The following RALGAPA1 variants were observed in gnomAD, a reference collection of about 807,000 sequenced individuals.
RALGAPA1 encodes ral GTPase-activating protein subunit alpha-1.
RALGAPA1 carries 52 observed loss-of-function variants against 269.6 expected under a neutral mutation model. The ratio of observed to expected loss-of-function variants is 0.19; its 90% CI spans 0.15 to 0.24. The LOEUF (loss-of-function observed/expected upper bound fraction) is 0.24, where lower values mean the gene tolerates loss of function less well. Ranked by LOEUF, RALGAPA1 falls within the 10% of genes least tolerant of loss-of-function variation. RALGAPA1 has a pLI of 1.00. For synonymous variants in RALGAPA1, 817 were observed against 1,008.3 expected, an observed-to-expected ratio of 0.81 and a Z score of 3.60; for missense variants, 1,917 against 3,013.9, an observed-to-expected ratio of 0.64 and a Z score of 8.52.
At chr14:35,745,624 C>T (rs539180837) in intron 10 of RALGAPA1, among the ~76,000 whole-genome samples, 1 of 151,936 alleles carries the variant, frequency 6.6e-6, no homozygotes, top group South Asian at 2.1e-4. Flanking sequence ...ATTAGCTGGG[C>T]ATGGTGGCGC....
intron 22 of RALGAPA1, chr14:35,677,392 A>G (rs897302943): frequency 1.3e-5 from 2 of 154,668 alleles, no homozygotes; most frequent in Non-Finnish European, 2.9e-5. Context: ...ATTATACAAA[A>G]TCTAGCAAAA....
intron 10 of RALGAPA1, among the ~76,000 whole-genome samples, chr14:35,746,867 A>T: frequency 6.6e-6 from 1 of 152,004 alleles, no homozygotes; most frequent in East Asian, 1.9e-4. Flanking sequence ...TGAAGTATAC[A>T]TGTTAAAACT....
At chr14:35,742,191 C>T (rs922667296) in intron 11 of RALGAPA1, among the ~76,000 whole-genome samples, 177 bp downstream of exon 11, 1 of 152,164 alleles carries the variant, frequency 6.6e-6, no homozygotes, top group Non-Finnish European at 1.5e-5. Flanking sequence ...TATCACAGGG[C>T]TTTGCTATAC....
At chr14:35,685,321 A>G (rs905421021) in intron 19 of RALGAPA1, among the ~76,000 whole-genome samples, 176 bp from the exon 20 acceptor site, 1 of 152,138 alleles carries the variant, frequency 6.6e-6, no homozygotes, top group East Asian at 1.9e-4. Context: ...AGCCTGACCT[A>G]TTGTTGGTCT....
chr14:35,786,672 C>CACAAGTAT (rs928905246), intron 1 of RALGAPA1, among the ~76,000 whole-genome samples: 2 of 152,034 alleles, frequency 1.3e-5, no homozygotes, highest in African/African-American at 2.4e-5. Context: ...AAGTATCTCT[C>CACAAGTAT]CACAGTATCT....
chr14:35,628,763 T>A (rs186032718), intron 33 of RALGAPA1, among the ~76,000 whole-genome samples: 34 of 152,338 alleles, frequency 2.2e-4, no homozygotes, highest in Admixed American at 2.2e-3. Flanking sequence ...CTTATATTTT[T>A]CTAAGGTATT....
In RALGAPA1 at chr14:35,756,892, T is replaced by C; in HGVS notation, c.564A>G (p.Glu188=). The C allele has an allele frequency of 1.9e-6, 3 of 1,609,944 alleles. No individual in the cohort carries two copies. Residue 188 remains glutamate (E), a synonymous_variant, in exon 7 of 42, where the codon GAA becomes GAG. Coordinates refer to ENST00000680220, the MANE Select transcript of RALGAPA1 (RefSeq NM_001346249.2). The part of the protein sequence containing the change: ...LNLQETQVTI[E]EITPLVPPQS... ...GTGGGGGGACAAGAGGAGTGATTTCTTCTATAGTGACTTGAGCTATCCAAA... is the reference window on the plus strand; with the variant it reads ...GTGGGGGGACAAGAGGAGTGATTTCCTCTATAGTGACTTGAGCTATCCAAA...
intron 13 of RALGAPA1, among the ~76,000 whole-genome samples, chr14:35,725,738 T>C (rs1012366993): frequency 3.3e-5 from 5 of 151,346 alleles, no homozygotes; most frequent in African/African-American, 1.2e-4. Context: ...TGGTGGCACA[T>C]GCCTATAGTC....
intron 35 of RALGAPA1, among the ~76,000 whole-genome samples, chr14:35,614,034 C>A (rs1334820811): frequency 6.6e-6 from 1 of 152,148 alleles, no homozygotes; most frequent in African/African-American, 2.4e-5. Flanking sequence ...CAAGATTCCA[C>A]TTTATATCCA....
chr14:35,656,226 C>A (rs574977880), intron 28 of RALGAPA1, among the ~76,000 whole-genome samples: 1 of 152,132 alleles, frequency 6.6e-6, no homozygotes, highest in East Asian at 1.9e-4. Context: ...CAAAATGTAA[C>A]CTGCTTTCAA....
chr14:35,706,358 A>C (rs950862571), intron 16 of RALGAPA1, among the ~76,000 whole-genome samples: 23 of 152,138 alleles, frequency 1.5e-4, no homozygotes, highest in African/African-American at 5.1e-4. Context: ...GTGGATGTCC[A>C]ATTGTTACAG....
At chr14:35,703,290 AG>A in intron 16 of RALGAPA1, among the ~76,000 whole-genome samples, 1 of 152,258 alleles carries the variant, frequency 6.6e-6, no homozygotes, top group South Asian at 2.1e-4. Flanking sequence ...TGGGCAACTG[AG>A]GGAGACCCCA....
At chr14:35,625,135 T>C (rs1410399640) in intron 35 of RALGAPA1, among the ~76,000 whole-genome samples, 1 of 111,218 alleles carries the variant, frequency 9.0e-6, no homozygotes, top group Non-Finnish European at 1.7e-5. Flanking sequence ...TGGGTGACAG[T>C]GGGAGACTCT....
intron 16 of RALGAPA1, among the ~76,000 whole-genome samples, chr14:35,719,381 C>T (rs970430151): frequency 3.3e-5 from 5 of 152,134 alleles, no homozygotes; most frequent in Admixed American, 6.5e-5. Flanking sequence ...ATTTAATCTG[C>T]TGCCCCTTTT....
Position 35,635,447 on chromosome 14 carries a change from A to C in RALGAPA1, c.5811+17T>G. The C allele has an allele frequency of 1.3e-6, 2 of 1,566,638 alleles. No homozygotes were observed. Among genetic ancestry groups the C allele is most frequent in the South Asian group, 2.4e-5 (2 of 83,188 alleles). On this transcript the variant is annotated intron_variant, in intron 32 of 41. Coordinates refer to ENST00000680220, the MANE Select transcript of RALGAPA1 (RefSeq NM_001346249.2). ...AACTCTTGGTTACCAAATAAATAAT[A>C]AAGCAAGGAAGTTTACCTTATAAAT...
intron 18 of RALGAPA1, among the ~76,000 whole-genome samples, chr14:35,687,045 A>G (rs1253406657): frequency 6.6e-6 from 1 of 152,200 alleles, no homozygotes; most frequent in Non-Finnish European, 1.5e-5. Flanking sequence ...TTTGCAGGGA[A>G]TACATCCTTT....
At chr14:35,773,070 C>T (rs1260462948) in intron 3 of RALGAPA1, among the ~76,000 whole-genome samples, 3 of 152,076 alleles carry the variant, frequency 2.0e-5, no homozygotes, top group African/African-American at 4.8e-5. Flanking sequence ...AAGAGATAAA[C>T]TTATAGAAAA....
intron 1 of RALGAPA1, among the ~76,000 whole-genome samples, chr14:35,783,812 C>T (rs1000734384): frequency 6.6e-6 from 1 of 152,002 alleles, no homozygotes; most frequent in Non-Finnish European, 1.5e-5. Context: ...CATGAAAAAA[C>T]GTTTAACATC....
chr14:35,568,661 G>A (rs1271384477), intron 39 of RALGAPA1, among the ~76,000 whole-genome samples: 2 of 152,120 alleles, frequency 1.3e-5, no homozygotes, highest in Non-Finnish European at 2.9e-5. Flanking sequence ...GGCCCCAAAG[G>A]TAAAGGAAAT....
Sources: allele counts gnomAD v4.1 joint callset (sites outside exome capture counted in the v4.1 genomes callset), GRCh38; gene constraint gnomAD v4.1.1; transcripts MANE v1.5; gene names NCBI Gene and HGNC (gene_info 2026-07-23, HGNC 2026-07-21).